The following SPEN variants were observed in gnomAD, a reference collection of about 807,000 sequenced individuals.
The protein encoded by SPEN is spen family transcriptional repressor.
In SPEN, 18 loss-of-function variants were observed where a neutral mutation model predicts 269.9. That is an observed-to-expected ratio of 0.07 (90% CI 0.05 to 0.10). The LOEUF (loss-of-function observed/expected upper bound fraction) is 0.10, where lower values mean the gene tolerates loss of function less well. SPEN is among the 10% of genes least tolerant of loss of function. SPEN has a pLI of 1.00. For missense variants in SPEN, 3,822 were observed against 4,631.2 expected (o/e 0.83, Z 5.07); for synonymous variants, 1,726 against 1,765.7 (o/e 0.98, Z 0.56).
intron 2 of SPEN, 49 bp from the exon 3 acceptor site, chr1:15,876,153 T>G: frequency 6.9e-7 from 1 of 1,456,252 alleles, no homozygotes; most frequent in Non-Finnish European, 9.5e-7. Context: ...TTGCTTTTAG[T>G]TTTGCTTGCT....
In SPEN at chr1:15,848,187, C is replaced by A. The variant is rs747463297; in HGVS notation, c.83+37C>A. On this transcript the variant is annotated intron_variant, in intron 1 of 14. Transcript: ENST00000375759. The surrounding 1 kb of genome is among the most constrained non-coding windows in gnomAD (Gnocchi z 5.1). The stretch of plus-strand genomic sequence containing the variant: ...GAGGCCCGCGGCCGCGCTCGCTCCT[C>A]GGGCGCCGCTTCCCGCCCCGGCCCG... The A allele has an allele frequency of 2.2e-6, 3 of 1,392,954 alleles. No individual in the cohort carries two copies. The South Asian group carries it at 4.2e-5, about 19-fold the overall frequency. The allele number at this position is 1,392,954 out of a possible 1,614,324, so 86.3% of individuals were successfully genotyped here. A position where few individuals can be genotyped will look rare whatever the true frequency, so the allele number is the denominator to read the frequency against.
intron 3 of SPEN, among the ~76,000 whole-genome samples, chr1:15,891,906 TAAAAAAAAAAAACTTA>T (rs2070792864): frequency 1.4e-5 from 2 of 144,550 alleles, no homozygotes; most frequent in Non-Finnish European, 3.0e-5. Context: ...CTGGTTTTTT[TAAAAAAAAAAAACTTA>T]TTTATGTTGG....
intron 5 of SPEN, among the ~76,000 whole-genome samples, chr1:15,914,900 T>C (rs762732006): frequency 6.6e-6 from 1 of 152,232 alleles, no homozygotes; most frequent in Non-Finnish European, 1.5e-5. Context: ...TATCAAAAGA[T>C]AATTTAAAAC....
intron 4 of SPEN, among the ~76,000 whole-genome samples, chr1:15,909,711 C>G (rs893379870): frequency 2.0e-5 from 3 of 152,166 alleles, no homozygotes; most frequent in Non-Finnish European, 2.9e-5. Context: ...TATACTGTTA[C>G]TCCTACATTG....
At chr1:15,858,063 G>C (rs2148703805) in intron 1 of SPEN, among the ~76,000 whole-genome samples, 1 of 152,262 alleles carries the variant, frequency 6.6e-6, no homozygotes, top group Non-Finnish European at 1.5e-5. Context: ...TGTAGTTGGA[G>C]GTTGCAGTGA....
At chr1:15,906,453 CTTTTTTTT>C (rs200731520) in intron 3 of SPEN, among the ~76,000 whole-genome samples, 11 of 92,542 alleles carry the variant, frequency 1.2e-4, no homozygotes, top group African/African-American at 3.5e-4. Flanking sequence ...TCTTTCTTTC[CTTTTTTTT>C]TTTTTTTTTT....
At chr1:15,904,664 T>G (rs901534071) in intron 3 of SPEN, among the ~76,000 whole-genome samples, 1 of 147,282 alleles carries the variant, frequency 6.8e-6, no homozygotes, top group Non-Finnish European at 1.5e-5. Flanking sequence ...TTTTTTTTTT[T>G]GAGGTCTCAA....
intron 3 of SPEN, among the ~76,000 whole-genome samples, chr1:15,903,761 C>T (rs533374016): frequency 6.6e-6 from 1 of 152,308 alleles, no homozygotes; most frequent in East Asian, 1.9e-4. Context: ...TCCAGAGTAG[C>T]TGGGACTATG....
Position 15,928,197 on chromosome 1 carries a change from C to G in SPEN, c.1957C>G (p.Arg653Gly), listed in dbSNP as rs1437747695. ...PEDSRRDYPA[R>G]GREFYSEWET... ...GGATTCCAGGCGGGACTATCCAGCT[C>G]GAGGGAGAGAGTTTTATTCAGAATG... is the stretch of plus-strand genomic sequence containing the variant. Residue 653 changes from arginine to glycine, a missense_variant, in exon 11 of 15, where the codon CGA (arginine) becomes GGA (glycine). Transcript: ENST00000375759. This position sits in a 1 kb window ranked among gnomAD's most constrained non-coding sequence, Gnocchi z 5.7. 6.2e-7 allele frequency: 1 copy of G among 1,613,982 alleles called. No homozygotes were observed. The highest frequency in any genetic ancestry group is 1.1e-5 in the South Asian group (1 of 91,080).
chr1:15,873,884 A>G (rs2070605996), intron 2 of SPEN: 1 of 1,100,810 alleles, frequency 9.1e-7, no homozygotes, highest in Non-Finnish European at 1.1e-6. Flanking sequence ...AGCCCAGGGA[A>G]AGAGGATTAC....
At position 15,933,197 on chromosome 1, in the gene SPEN, A is replaced by G; in HGVS notation, c.6957A>G (p.Lys2319=). 1.2e-6 allele frequency: 2 copies of G among 1,614,186 alleles called. No individual in the cohort carries two copies. Among genetic ancestry groups the G allele is most frequent in the Non-Finnish European group, 1.7e-6 (2 of 1,180,016 alleles). ...CAGTGCCAGAAGCCAAAGGGTCTAAAGAAGTGGAAGTCACTCTTGTTCGGA... is the reference window on the plus strand; with the variant it reads ...CAGTGCCAGAAGCCAAAGGGTCTAAGGAAGTGGAAGTCACTCTTGTTCGGA... ...SHSVPEAKGS[K]EVEVTLVRKD... is the part of the protein sequence containing the mutation. The change falls in exon 11 of 15, where the codon AAA becomes AAG. Residue 2319 remains lysine, a synonymous_variant. Coordinates refer to ENST00000375759, the MANE Select transcript of SPEN (RefSeq NM_015001.3). This position sits in a 1 kb window ranked among gnomAD's most constrained non-coding sequence, Gnocchi z 5.7.
rs770853256 is a variant in SPEN at position 15,934,109 on chromosome 1, C to T, written c.7869C>T (p.Ser2623=). Reference sequence around the variant, plus strand: ...CTCCCAAAATTACCTCTGTTATTAGCCGGATGCCTGTCAGCATTGACCTGG... The same window carrying T: ...CTCCCAAAATTACCTCTGTTATTAGTCGGATGCCTGTCAGCATTGACCTGG... The part of the protein sequence containing the change: ...VIAPKITSVI[S]RMPVSIDLEN... The change falls in exon 11 of 15, where the codon AGC becomes AGT. Residue 2623 remains serine, a synonymous_variant. Coordinates refer to ENST00000375759, the MANE Select transcript of SPEN (RefSeq NM_015001.3). The surrounding 1 kb of genome is among the most constrained non-coding windows in gnomAD (Gnocchi z 9.2). The T allele has an allele frequency of 1.2e-6, 2 of 1,613,520 alleles. No individual in the cohort carries two copies. Among genetic ancestry groups the T allele is most frequent in the Non-Finnish European group, 1.7e-6 (2 of 1,179,584 alleles).
In SPEN at chr1:15,935,915, C is replaced by T. The variant is rs765408526; in HGVS notation, c.9675C>T (p.Ala3225=). 1.2e-5 allele frequency: 19 copies of T among 1,612,464 alleles called. No individual in the cohort carries two copies. Among genetic ancestry groups the T allele is most frequent in the South Asian group, 4.4e-5 (4 of 91,036 alleles). Residue 3225 remains alanine (A), a synonymous_variant, in exon 11 of 15, where the codon GCC becomes GCT. Transcript: ENST00000375759. This position sits in a 1 kb window ranked among gnomAD's most constrained non-coding sequence, Gnocchi z 7.7. ...TGAAGGTGCCACCAGCCAGCAAGGC[C>T]CCTCAGCAGCCAGGGAAGGAAGCTG... ...GVVKVPPASK[A]PQQPGKEAAK...
chr1:15,919,092 C>A, intron 7 of SPEN, 41 bp downstream of exon 7: 3 of 1,574,388 alleles, frequency 1.9e-6, no homozygotes, highest in South Asian at 1.2e-5. Context: ...TTATGATTTG[C>A]TTTGTTTTTT....
intron 3 of SPEN, among the ~76,000 whole-genome samples, chr1:15,893,743 C>CA (rs986344253): frequency 2.7e-5 from 4 of 149,786 alleles, no homozygotes; most frequent in East Asian, 2.0e-4. Context: ...TAAAAAAAAA[C>CA]AAAAAAAAGC....
chr1:15,874,206 A>G lies in SPEN; in HGVS notation c.404+1070A>G, dbSNP rs747271258. On this transcript the variant is annotated intron_variant, in intron 2 of 14. Transcript: ENST00000375759. ...AGTTTGTCTGGGACTACTTGCTTCC[A>G]GTGGAATTATTTTGTCTGGTCACTA... 1.2e-5 allele frequency: 16 copies of G among 1,366,548 alleles called. No homozygotes were observed. The South Asian group carries it at 1.7e-4, about 15-fold the overall frequency. The allele number at this position is 1,366,548 out of a possible 1,614,324, so 84.7% of individuals were successfully genotyped here.
rs201918577 is a variant in SPEN, at chr1:15,873,091, C to T, written c.359C>T (p.Pro120Leu). ...GGAGGGCCTGCTTATGGTCCCCCAC[C>T]GTCACTTCATGCACGAGAAGGACGT... is the stretch of plus-strand genomic sequence containing the variant. ...GGGGPAYGPP[P>L]SLHAREGRYE... Residue 120 changes from proline (P) to leucine (L), a missense_variant, in exon 2 of 15, where the codon CCG becomes CTG. By Grantham distance (98) the Pro-to-Leu change is moderately conservative. Around this residue, in one of 16 missense-constraint regions of SPEN, gnomAD observed 327 missense variants for 350.8 expected, o/e 0.93. Transcript: ENST00000375759. The T allele has an allele frequency of 1.9e-5, 31 of 1,613,850 alleles. No homozygotes were observed. Among genetic ancestry groups the T allele is most frequent in the East Asian group, 4.5e-5 (2 of 44,894 alleles).
Position 15,936,099 on chromosome 1 carries a change from G to A in SPEN, c.9859G>A (p.Val3287Met). The A allele has an allele frequency of 1.9e-6, 3 of 1,609,998 alleles. No individual in the cohort carries two copies. Among genetic ancestry groups the A allele is most frequent in the Non-Finnish European group, 2.5e-6 (3 of 1,177,190 alleles). ...QLQGLPLTPP[V>M]VVTHGVQIVH... ...CCAGGGGCTGCCTCTGACCCCTCCT[G>A]TGGTGGTGACCCATGGGGTGCAGAT... The change falls in exon 11 of 15, where the codon GTG becomes ATG. Residue 3287 changes from valine (V) to methionine (M), a missense_variant. By Grantham distance (21) the Val-to-Met change is conservative (BLOSUM62 1). This residue lies in a region of SPEN where 359 missense variants were observed against 377.3 expected (regional missense o/e 0.95). Coordinates refer to ENST00000375759, the MANE Select transcript of SPEN (RefSeq NM_015001.3).
At chr1:15,896,914 G>A (rs557761775) in intron 3 of SPEN, among the ~76,000 whole-genome samples, 12 of 152,268 alleles carry the variant, frequency 7.9e-5, no homozygotes, top group Admixed American at 1.3e-4. Flanking sequence ...GCTGCAGTGA[G>A]CCATGAGTGC....
Sources: gnomAD v4.1 joint callset for allele counts (sites outside exome capture counted in the v4.1 genomes callset) on GRCh38, gnomAD v4.1.1 for gene constraint, gnomAD v4.1.1 regional missense constraint, Gnocchi (gnomAD v3.1) non-coding constraint, MANE v1.5 for transcripts, NCBI Gene and HGNC (gene_info 2026-07-23, HGNC 2026-07-21) for gene names.